Variants in PALLD observed in about 807,000 individuals in gnomAD.
PALLD encodes the protein palladin.
PALLD carries 61 observed loss-of-function variants against 123.5 expected under a neutral mutation model. The ratio of observed to expected loss-of-function variants is 0.49; its 90% CI spans 0.40 to 0.61. PALLD has a LOEUF of 0.61. Ranked by LOEUF, PALLD falls within the 20% of genes least tolerant of loss-of-function variation. The probability of loss-of-function intolerance (pLI) is 0.00; values close to 1 mark genes in which losing one functional copy is unlikely to be tolerated. For missense variants in PALLD, 1,273 were observed against 1,377.0 expected (o/e 0.92, Z 1.20); for synonymous variants, 465 against 496.4 (o/e 0.94, Z 0.84).
At chr4:168,588,267 T>C (rs1771043956) in intron 2 of PALLD, among the ~76,000 whole-genome samples, 2 of 152,044 alleles carry the variant, frequency 1.3e-5, no homozygotes, top group South Asian at 4.1e-4. Flanking sequence ...AACTGGCCCA[T>C]TATTGTGAGA....
At chr4:168,797,964 T>TGA (rs1402260250) in intron 10 of PALLD, among the ~76,000 whole-genome samples, 1 of 151,672 alleles carries the variant, frequency 6.6e-6, no homozygotes, top group African/African-American at 2.4e-5. Flanking sequence ...TTTCTTGAGT[T>TGA]CAGTGTCATC....
intron 1 of PALLD, chr4:168,506,142 G>A (rs904983683): frequency 1.7e-4 from 26 of 152,250 alleles, no homozygotes; most frequent in African/African-American, 6.3e-4. Context: ...CTCTGGTGGA[G>A]AGAATTGCAC....
chr4:168,727,592 T>C (rs1049821558), intron 10 of PALLD, among the ~76,000 whole-genome samples: 5 of 152,202 alleles, frequency 3.3e-5, no homozygotes, highest in Non-Finnish European at 7.4e-5. Flanking sequence ...AAGTTCCTTA[T>C]AGGTTCTGGA....
chr4:168,745,316 C>T (rs1730113276), intron 10 of PALLD, among the ~76,000 whole-genome samples: 1 of 151,790 alleles, frequency 6.6e-6, no homozygotes, highest in Admixed American at 6.6e-5. Flanking sequence ...CCTCTTACAA[C>T]AGCCCTTTGA....
chr4:168,741,748 G>A (rs1392961879), intron 10 of PALLD, among the ~76,000 whole-genome samples: 1 of 152,162 alleles, frequency 6.6e-6, no homozygotes, highest in East Asian at 1.9e-4. Flanking sequence ...AAAATAAAAA[G>A]AGCAATTCAT....
At chr4:168,709,904 A>G (rs1196176512) in intron 9 of PALLD, among the ~76,000 whole-genome samples, 1 of 152,058 alleles carries the variant, frequency 6.6e-6, no homozygotes, top group Non-Finnish European at 1.5e-5. Context: ...TCCTCCCGCT[A>G]ACCTAGAATC....
At chr4:168,566,864 G>C (rs1768442290) in intron 2 of PALLD, among the ~76,000 whole-genome samples, 2 of 152,176 alleles carry the variant, frequency 1.3e-5, no homozygotes, top group Non-Finnish European at 2.9e-5. Context: ...ATGATGAGGT[G>C]TTTCTGGATA....
chr4:168,707,052 A>G (rs952722151), intron 8 of PALLD, among the ~76,000 whole-genome samples: 5 of 152,238 alleles, frequency 3.3e-5, no homozygotes, highest in South Asian at 2.1e-4. Context: ...GCTCTCTTCA[A>G]TAGACAAAAA....
chr4:168,778,098 G>C (rs1735419890), intron 10 of PALLD, among the ~76,000 whole-genome samples: 1 of 152,178 alleles, frequency 6.6e-6, no homozygotes, highest in South Asian at 2.1e-4. Flanking sequence ...GGAAAAAAGG[G>C]GTAGGAGAAC....
chr4:168,582,392 G>T (rs1367486490), intron 2 of PALLD, among the ~76,000 whole-genome samples: 3 of 151,786 alleles, frequency 2.0e-5, no homozygotes, highest in African/African-American at 7.2e-5. Context: ...CTATATAAAA[G>T]ATCAGATCAT....
Position 168,601,288 on chromosome 4 carries a change from C to T in PALLD, c.909-66902C>T, listed in dbSNP as rs145071295. On this transcript the variant is annotated intron_variant, in intron 2 of 21. Transcript: ENST00000505667. The stretch of plus-strand genomic sequence containing the variant: ...TAGAGAACAGCTTGTGCACAAATGG[C>T]CCCCAGGTGAATAAGACTCATTATG... 3.9e-5 allele frequency among the ~76,000 whole-genome samples: 6 copies of T among 152,248 alleles called. No homozygotes were observed. The East Asian group carries it at 9.6e-4, about 24-fold the overall frequency.
At chr4:168,555,069 A>C (rs1345904102) in intron 2 of PALLD, among the ~76,000 whole-genome samples, 1 of 152,238 alleles carries the variant, frequency 6.6e-6, no homozygotes, top group East Asian at 1.9e-4. Context: ...AGAAAAAACA[A>C]ACAAAATATT....
chr4:168,720,968 G>A (rs563394770), intron 10 of PALLD, among the ~76,000 whole-genome samples: 1 of 152,284 alleles, frequency 6.6e-6, no homozygotes, highest in Middle Eastern at 3.4e-3. Context: ...GTGCTTTGCT[G>A]TGCCAGTCTC....
intron 10 of PALLD, chr4:168,885,474 C>T (rs1304237211): frequency 1.3e-5 from 2 of 152,170 alleles, no homozygotes; most frequent in African/African-American, 2.4e-5. Context: ...ACCATATAGC[C>T]TCTATGAAAC....
chr4:168,829,485 A>G (rs886812325), intron 10 of PALLD, among the ~76,000 whole-genome samples: 4 of 152,232 alleles, frequency 2.6e-5, no homozygotes, highest in Non-Finnish European at 5.9e-5. Context: ...ATGTTGTGAA[A>G]GGACTCCTAA....
intron 2 of PALLD, among the ~76,000 whole-genome samples, chr4:168,552,955 C>A (rs59489466): frequency 6.6e-6 from 1 of 152,072 alleles, no homozygotes; most frequent in Non-Finnish European, 1.5e-5. Flanking sequence ...GGAGTACAGG[C>A]GGGTGCCACC....
intron 2 of PALLD, among the ~76,000 whole-genome samples, chr4:168,549,394 T>C (rs996017683): frequency 1.3e-5 from 2 of 152,186 alleles, no homozygotes; most frequent in Non-Finnish European, 2.9e-5. Context: ...TATATGTGTT[T>C]GTACAGCCTC....
intron 17 of PALLD, among the ~76,000 whole-genome samples, chr4:168,916,531 G>A (rs2151428632): frequency 6.6e-6 from 1 of 152,136 alleles, no homozygotes; most frequent in East Asian, 1.9e-4. Context: ...AACCCTACAT[G>A]ACATTACTCT....
chr4:168,534,666 A>C (rs539995631), intron 2 of PALLD, among the ~76,000 whole-genome samples: 1 of 152,244 alleles, frequency 6.6e-6, no homozygotes, highest in East Asian at 1.9e-4. Context: ...TCCAGTACAT[A>C]TTGTAATAGC....
Sources: gnomAD v4.1 joint callset for allele counts (sites outside exome capture counted in the v4.1 genomes callset) on GRCh38, gnomAD v4.1.1 for gene constraint, MANE v1.5 for transcripts, NCBI Gene and HGNC (gene_info 2026-07-23, HGNC 2026-07-21) for gene names.